Variants in NDRG3 observed in about 807,000 individuals in gnomAD.
NDRG3 encodes NDRG family member 3.
NDRG3 carries 23 observed loss-of-function variants against 57.2 expected under a neutral mutation model. The ratio of observed to expected loss-of-function variants is 0.40; its 90% CI spans 0.29 to 0.57. The LOEUF (loss-of-function observed/expected upper bound fraction) is 0.57, where lower values mean the gene tolerates loss of function less well. Ranked by LOEUF, NDRG3 falls within the 20% of genes least tolerant of loss-of-function variation. NDRG3 has a pLI of 0.42. For synonymous variants in NDRG3, 132 were observed against 162.6 expected (o/e 0.81, Z 1.43); for missense variants, 384 against 457.3 (o/e 0.84, Z 1.46).
chr20:36,707,278 C>T (rs1983600750), intron 2 of NDRG3, among the ~76,000 whole-genome samples: 1 of 152,108 alleles, frequency 6.6e-6, no homozygotes. Flanking sequence ...TAACTTCTTG[C>T]CTTCCTACCT....
At position 36,714,802 on chromosome 20, in the gene NDRG3, G is replaced by A. The variant is rs1250099471; in HGVS notation, c.57+6877C>T. 8.0e-5 allele frequency among the ~76,000 whole-genome samples: 12 copies of A among 150,852 alleles called. No homozygotes were observed. The East Asian group carries it at 1.4e-3, about 17-fold the overall frequency. ...CTAATTTTTTATTTTTAGTAGAGACGGAGTTTCTCCATGTTGGTAAGGCTG... is the reference window on the plus strand; with the variant it reads ...CTAATTTTTTATTTTTAGTAGAGACAGAGTTTCTCCATGTTGGTAAGGCTG... On this transcript the variant is annotated intron_variant, in intron 2 of 15. Transcript: ENST00000349004.
intron 1 of NDRG3, among the ~76,000 whole-genome samples, chr20:36,741,178 T>C (rs908440392): frequency 3.3e-5 from 5 of 152,196 alleles, no homozygotes; most frequent in African/African-American, 4.8e-5. Context: ...CTGTCTTCAC[T>C]TCTTACCCGG....
chr20:36,743,525 A>T (rs1416510234), intron 1 of NDRG3, among the ~76,000 whole-genome samples: 1 of 149,376 alleles, frequency 6.7e-6, no homozygotes, highest in East Asian at 2.0e-4. Context: ...ATAAAACAAA[A>T]GCAGCTCGGC....
intron 9 of NDRG3, among the ~76,000 whole-genome samples, chr20:36,669,230 A>ATT (rs1226125448): frequency 8.2e-6 from 1 of 122,478 alleles, no homozygotes; most frequent in Non-Finnish European, 1.8e-5. Flanking sequence ...CTAATTTTGT[A>ATT]TTTTTTTTTT....
intron 3 of NDRG3, among the ~76,000 whole-genome samples, chr20:36,698,281 AT>A (rs1452133501): frequency 1.3e-5 from 2 of 150,494 alleles, no homozygotes; most frequent in African/African-American, 2.4e-5. Context: ...GTTTTTTCAT[AT>A]TGCTACAAAT....
At chr20:36,658,954 GTT>G (rs58306169) in intron 13 of NDRG3, among the ~76,000 whole-genome samples, 1,603 of 132,296 alleles carry the variant, frequency 0.012, 21 homozygotes, top group African/African-American at 0.04. Flanking sequence ...TGTTGACGAA[GTT>G]TTTTTTTTTT....
At chr20:36,745,096 T>C (rs965778454) in intron 1 of NDRG3, among the ~76,000 whole-genome samples, 6 of 151,296 alleles carry the variant, frequency 4.0e-5, no homozygotes, top group Admixed American at 2.6e-4. Context: ...CTACCTGTGA[T>C]AGGGAGGCCA....
chr20:36,694,220 G>T (rs567997840), intron 3 of NDRG3, among the ~76,000 whole-genome samples: 35 of 152,118 alleles, frequency 2.3e-4, no homozygotes, highest in Middle Eastern at 3.4e-3. Flanking sequence ...GGGAGGCAGG[G>T]GAGGCAGGCA....
At chr20:36,736,956 C>T (rs564175076) in intron 1 of NDRG3, among the ~76,000 whole-genome samples, 6 of 152,226 alleles carry the variant, frequency 3.9e-5, no homozygotes, top group African/African-American at 1.4e-4. Flanking sequence ...AGATAAGGGC[C>T]ATTCACACCC....
intron 1 of NDRG3, among the ~76,000 whole-genome samples, chr20:36,744,135 C>T (rs1275072968): frequency 1.3e-5 from 2 of 152,040 alleles, no homozygotes; most frequent in Non-Finnish European, 2.9e-5. Context: ...ATCTCCCGAA[C>T]TCGTGATCCA....
intron 3 of NDRG3, among the ~76,000 whole-genome samples, chr20:36,690,010 G>A (rs1050055234): frequency 5.9e-5 from 9 of 151,906 alleles, no homozygotes; most frequent in South Asian, 2.1e-4. Context: ...GTGAGCCACC[G>A]CGCCCAGCCT....
intron 6 of NDRG3, among the ~76,000 whole-genome samples, chr20:36,682,849 C>T (rs535574888): frequency 3.3e-5 from 5 of 149,972 alleles, no homozygotes; most frequent in South Asian, 4.2e-4. Flanking sequence ...CGGCGGATCA[C>T]GAGGTCAGCA....
chr20:36,714,444 T>TTTTA (rs1984105035), intron 2 of NDRG3, among the ~76,000 whole-genome samples: 1 of 132,740 alleles, frequency 7.5e-6, no homozygotes, highest in Non-Finnish European at 1.6e-5. Flanking sequence ...CATTTTCTTC[T>TTTTA]TTTTTTTTTT....
At chr20:36,686,102 A>G (rs912193614) in intron 5 of NDRG3, among the ~76,000 whole-genome samples, 5 of 152,250 alleles carry the variant, frequency 3.3e-5, no homozygotes, top group Non-Finnish European at 5.9e-5. Context: ...TACATCTGAC[A>G]GGGAAGTCAG....
intron 3 of NDRG3, among the ~76,000 whole-genome samples, chr20:36,689,319 C>T (rs1018742446): frequency 3.4e-4 from 51 of 152,158 alleles, no homozygotes; most frequent in African/African-American, 1.2e-3. Flanking sequence ...CTCCAAAGCT[C>T]ACTTACGAGC....
At chr20:36,720,204 G>T (rs540685262) in intron 2 of NDRG3, among the ~76,000 whole-genome samples, 13 of 151,684 alleles carry the variant, frequency 8.6e-5, no homozygotes, top group African/African-American at 1.2e-4. Context: ...CCAGAGTTTT[G>T]CTCTGTCGCC....
intron 10 of NDRG3, among the ~76,000 whole-genome samples, chr20:36,665,546 A>G (rs993897395): frequency 2.6e-5 from 4 of 152,098 alleles, no homozygotes; most frequent in Non-Finnish European, 5.9e-5. Context: ...CTACAAGGAG[A>G]CAGCCTCAAC....
chr20:36,701,312 G>A (rs1195532038), intron 3 of NDRG3, among the ~76,000 whole-genome samples: 2 of 152,072 alleles, frequency 1.3e-5, no homozygotes, highest in Non-Finnish European at 2.9e-5. Context: ...CAAGGTGAGA[G>A]TATCACTTGA....
intron 13 of NDRG3, among the ~76,000 whole-genome samples, chr20:36,658,227 G>A (rs991618505): frequency 1.1e-4 from 17 of 152,182 alleles, no homozygotes; most frequent in African/African-American, 4.1e-4. Flanking sequence ...CACCTCCCAG[G>A]TTCAAGCGAT....
Sources: allele counts gnomAD v4.1 joint callset (sites outside exome capture counted in the v4.1 genomes callset), GRCh38; gene constraint gnomAD v4.1.1; transcripts MANE v1.5; gene names NCBI Gene and HGNC (gene_info 2026-07-23, HGNC 2026-07-21).